CPED1: variants seen among roughly 807,000 people sequenced by gnomAD.
The protein encoded by CPED1 is cadherin-like and PC-esterase domain-containing protein 1.
In CPED1, 114 loss-of-function variants were observed where a neutral mutation model predicts 128.2. The ratio of observed to expected loss-of-function variants is 0.89; its 90% CI spans 0.76 to 1.04. CPED1 has a LOEUF of 1.04. Among genes scored for constraint, CPED1 ranks in the 50% least tolerant of loss-of-function variants. The pLI is 0.00. For synonymous variants in CPED1, 462 were observed against 426.7 expected, an observed-to-expected ratio of 1.08 and a Z score of -1.02; for missense variants, 1,211 against 1,207.1, an observed-to-expected ratio of 1.00 and a Z score of -0.05.
At chr7:121,079,422 A>G (rs1476443739) in intron 5 of CPED1, among the ~76,000 whole-genome samples, 1 of 152,240 alleles carries the variant, frequency 6.6e-6, no homozygotes, top group Non-Finnish European at 1.5e-5. Context: ...GTAAGGAAAT[A>G]TTAATCTTTC....
At chr7:121,188,295 T>G (rs1584581024) in intron 16 of CPED1, among the ~76,000 whole-genome samples, 1 of 152,112 alleles carries the variant, frequency 6.6e-6, no homozygotes, top group South Asian at 2.1e-4. Context: ...TATGGGTACA[T>G]AGTAGGTATA....
At chr7:121,261,661 A>C (rs749981166) in intron 18 of CPED1, 2 of 1,611,202 alleles carry the variant, frequency 1.2e-6, no homozygotes, top group South Asian at 2.2e-5. Flanking sequence ...GAGTTCCTAG[A>C]AGCCGTAATT....
At chr7:121,252,402 C>T (rs557495482) in intron 18 of CPED1, among the ~76,000 whole-genome samples, 43,239 of 149,640 alleles carry the variant, frequency 0.29, 6,798 homozygotes, top group Middle Eastern at 0.44. Context: ...AGGACATAGA[C>T]ATCGGCAAGG....
chr7:121,087,694 T>G (rs1794467750), intron 5 of CPED1, among the ~76,000 whole-genome samples: 1 of 133,054 alleles, frequency 7.5e-6, no homozygotes, highest in Non-Finnish European at 1.6e-5. Context: ...AGAGTCTTTC[T>G]CAGTTGCCCA....
intron 4 of CPED1, among the ~76,000 whole-genome samples, 178 bp downstream of exon 4, chr7:121,047,171 A>T (rs1368352195): frequency 6.6e-6 from 1 of 152,196 alleles, no homozygotes; most frequent in Non-Finnish European, 1.5e-5. Flanking sequence ...TTTTTGTTTG[A>T]TAAGATCTCC....
intron 16 of CPED1, among the ~76,000 whole-genome samples, chr7:121,159,753 C>G (rs532706621): frequency 2.0e-5 from 3 of 152,296 alleles, no homozygotes; most frequent in African/African-American, 7.2e-5. Flanking sequence ...CTCTCCCTCA[C>G]TCGCACACAT....
At chr7:121,294,493 G>A (rs1360986418) in intron 22 of CPED1, among the ~76,000 whole-genome samples, 1 of 151,960 alleles carries the variant, frequency 6.6e-6, no homozygotes, top group Non-Finnish European at 1.5e-5. Flanking sequence ...ATTTAAAAGG[G>A]ACTTACAAAC....
At chr7:121,160,508 ATCACC>A (rs1282440801) in intron 16 of CPED1, among the ~76,000 whole-genome samples, 8 of 152,190 alleles carry the variant, frequency 5.3e-5, no homozygotes, top group African/African-American at 1.4e-4. Context: ...TCTTAAGGTA[ATCACC>A]TGTGAAGCTT....
chr7:121,256,924 A>G (rs1562853123), intron 18 of CPED1, among the ~76,000 whole-genome samples: 1 of 152,078 alleles, frequency 6.6e-6, no homozygotes, highest in Non-Finnish European at 1.5e-5. Context: ...TTGCAGAAAC[A>G]TGAATGCAGC....
intron 16 of CPED1, among the ~76,000 whole-genome samples, chr7:121,225,016 A>T (rs1418192892): frequency 6.6e-6 from 1 of 152,164 alleles, no homozygotes; most frequent in South Asian, 2.1e-4. Flanking sequence ...GCCTGTCATT[A>T]TGATGTTAGC....
chr7:121,128,176 T>A (rs1377458324), intron 10 of CPED1, among the ~76,000 whole-genome samples: 1 of 152,216 alleles, frequency 6.6e-6, no homozygotes, highest in Non-Finnish European at 1.5e-5. Context: ...AGCTATTTTA[T>A]CCAGGTCCTC....
At chr7:121,254,352 T>G (rs777261254) in intron 18 of CPED1, among the ~76,000 whole-genome samples, 3 of 152,044 alleles carry the variant, frequency 2.0e-5, no homozygotes, top group Non-Finnish European at 4.4e-5. Context: ...TAAAATTTGT[T>G]TGAAATTAAT....
At chr7:121,283,796 T>C (rs1792508485) in intron 22 of CPED1, among the ~76,000 whole-genome samples, 1 of 152,202 alleles carries the variant, frequency 6.6e-6, no homozygotes, top group African/African-American at 2.4e-5. Flanking sequence ...CTCCCATGGT[T>C]CTGCCTGATA....
chr7:121,125,820 A>G lies in CPED1; in HGVS notation c.1062A>G (p.Arg354=), dbSNP rs2116318118. ...ATGGTACCTTGTGTTTTCATTTTAG[A>G]TGCAGATTCTGCTTTCAACTTCTAA... ...TSTLGPKTFH[R]CRFCFQLLTF... Residue 354 remains arginine (R), a splice_region_variant and synonymous_variant, in exon 9 of 23, where the codon AGA becomes AGG. Coordinates refer to ENST00000310396, the MANE Select transcript of CPED1 (RefSeq NM_024913.5). 1.2e-6 allele frequency: 2 copies of G among 1,609,392 alleles called. No homozygotes were observed. Among genetic ancestry groups the G allele is most frequent in the East Asian group, 2.2e-5 (1 of 44,812 alleles).
chr7:121,124,235 G>C lies in CPED1; in HGVS notation c.919-96G>C, dbSNP rs995413163. The C allele has an allele frequency of 7.9e-6, 9 of 1,144,416 alleles. No homozygotes were observed. The East Asian group carries it at 1.9e-4, about 24-fold the overall frequency. The allele number at this position is 1,144,416 out of a possible 1,614,324, so 70.9% of individuals were successfully genotyped here. A position where few individuals can be genotyped will look rare whatever the true frequency, so the allele number is the denominator to read the frequency against. On this transcript the variant is annotated intron_variant, in intron 7 of 22. Transcript: ENST00000310396. ...GTGGGGTTTGGGTGTGACAAGTAGAGATAACCTAGAACAATCCTTCAAATT... is the reference window on the plus strand; with the variant it reads ...GTGGGGTTTGGGTGTGACAAGTAGACATAACCTAGAACAATCCTTCAAATT...
intron 7 of CPED1, among the ~76,000 whole-genome samples, chr7:121,122,952 T>A (rs895590945): frequency 6.6e-6 from 1 of 152,122 alleles, no homozygotes; most frequent in Admixed American, 6.5e-5. Context: ...TCAGGTAACA[T>A]TGAAATAGAA....
At position 121,005,559 on chromosome 7, in the gene CPED1, G is replaced by T. The variant is rs1372261949; in HGVS notation, c.250-10106G>T. ...GAAGAAATACCTAATGTAGATGACTGTTTGGGTACAGCAAACCACGATGGT... is the reference window on the plus strand; with the variant it reads ...GAAGAAATACCTAATGTAGATGACTTTTTGGGTACAGCAAACCACGATGGT... On this transcript the variant is annotated intron_variant, in intron 2 of 22. Transcript: ENST00000310396. Among the ~76,000 whole-genome samples the T allele has an allele frequency of 5.9e-5, 9 of 152,026 alleles. No individual in the cohort carries two copies. The South Asian group carries it at 1.9e-3, about 32-fold the overall frequency.
chr7:121,208,490 C>A (rs1797571130), intron 16 of CPED1, among the ~76,000 whole-genome samples: 1 of 152,056 alleles, frequency 6.6e-6, no homozygotes, highest in Admixed American at 6.6e-5. Flanking sequence ...TGTATCCCTT[C>A]ATTTAATCCT....
At chr7:121,015,976 A>C in intron 3 of CPED1, 128 bp downstream of exon 3, 6 of 568,764 alleles carry the variant, frequency 1.1e-5, no homozygotes, top group Non-Finnish European at 1.4e-5. Flanking sequence ...CAACTTTCTC[A>C]CATCATAGAA....
Sources: gnomAD v4.1 joint callset for allele counts (sites outside exome capture counted in the v4.1 genomes callset) on GRCh38, gnomAD v4.1.1 for gene constraint, MANE v1.5 for transcripts, NCBI Gene and HGNC (gene_info 2026-07-23, HGNC 2026-07-21) for gene names.